The following PTPRN2 variants were observed in gnomAD, a reference collection of about 807,000 sequenced individuals.
The protein encoded by PTPRN2 is protein tyrosine phosphatase receptor type N2.
In PTPRN2, 74 loss-of-function variants were observed where a neutral mutation model predicts 118.8. The observed-to-expected ratio is 0.62, with a 90% confidence interval of 0.52 to 0.76. The LOEUF (loss-of-function observed/expected upper bound fraction) is 0.76, where lower values mean the gene tolerates loss of function less well. Ranked by LOEUF, PTPRN2 falls within the 30% of genes least tolerant of loss-of-function variation. The probability of loss-of-function intolerance (pLI) is 0.00; values close to 1 mark genes in which losing one functional copy is unlikely to be tolerated. For synonymous variants in PTPRN2, 641 were observed against 608.0 expected, an observed-to-expected ratio of 1.05 and a Z score of -0.80; for missense variants, 1,481 against 1,394.4, an observed-to-expected ratio of 1.06 and a Z score of -0.99.
Position 158,535,455 on chromosome 7 carries a change from T to A in PTPRN2, c.113-45670A>T, listed in dbSNP as rs570807318. The stretch of plus-strand genomic sequence containing the variant: ...GCAATGGGAGGGTACCTGCATTTAA[T>A]CTGTGCTGTTTTCGTTCTCCTGATA... On this transcript the variant is annotated intron_variant, in intron 1 of 22. Transcript: ENST00000389418. Among the ~76,000 whole-genome samples, 14 of 152,278 alleles carry A rather than the reference T, an allele frequency of 9.2e-5. No homozygotes were observed. The South Asian group carries it at 2.9e-3, about 32-fold the overall frequency.
intron 17 of PTPRN2, among the ~76,000 whole-genome samples, chr7:157,588,728 G>A (rs1329147540): frequency 4.6e-5 from 7 of 152,174 alleles, no homozygotes; most frequent in African/African-American, 1.4e-4. Context: ...CACTGCTGCC[G>A]GATCTCTCTT....
chr7:157,621,281 C>G (rs77919784), intron 15 of PTPRN2, 81 bp downstream of exon 15: 19 of 881,452 alleles, frequency 2.2e-5, no homozygotes, highest in African/African-American at 3.8e-5. Flanking sequence ...CTCCTGCCCT[C>G]GGGCCTGGTA....
At position 157,560,284 on chromosome 7, in the gene PTPRN2, C is replaced by T. The variant is rs182078997; in HGVS notation, c.2902+8618G>A. ...TGTGAGCTGGTACACTCAGTGAGGA[C>T]GGCTCCATGCACAGGGACGAAGACC... On this transcript the variant is annotated intron_variant, in intron 21 of 22. Transcript: ENST00000389418. The surrounding 1 kb of genome is among the most constrained non-coding windows in gnomAD (Gnocchi z 6.7). 7.0e-4 allele frequency among the ~76,000 whole-genome samples: 107 copies of T among 152,158 alleles called. No individual in the cohort carries two copies. The highest frequency in any genetic ancestry group is 1.1e-3 in the Non-Finnish European group (78 of 68,008).
At chr7:157,650,568 C>T (rs184900752) in intron 14 of PTPRN2, among the ~76,000 whole-genome samples, 15 of 152,302 alleles carry the variant, frequency 9.8e-5, no homozygotes, top group African/African-American at 3.4e-4. Context: ...GCCAGCCCAG[C>T]CGCGTGGCCC....
At chr7:158,431,776 C>A (rs1448525862) in intron 2 of PTPRN2, among the ~76,000 whole-genome samples, 1 of 149,736 alleles carries the variant, frequency 6.7e-6, no homozygotes, top group Non-Finnish European at 1.5e-5. Context: ...ACTGGGCACA[C>A]ACCAGGACAC....
At chr7:157,698,080 A>T (rs1797896192) in intron 12 of PTPRN2, among the ~76,000 whole-genome samples, 1 of 152,268 alleles carries the variant, frequency 6.6e-6, no homozygotes, top group South Asian at 2.1e-4. Flanking sequence ...ATGAACTGGG[A>T]AGATTTTTAA....
rs796367517 is a variant in PTPRN2, at chr7:157,940,377, T to C, written c.1724-41640A>G. Among the ~76,000 whole-genome samples, 47 of 152,284 alleles carry C rather than the reference T, an allele frequency of 3.1e-4. 1 individual carries two copies. Among genetic ancestry groups the C allele is most frequent in the African/African-American group, 1.1e-3 (45 of 41,536 alleles). On this transcript the variant is annotated intron_variant, in intron 11 of 22. Transcript: ENST00000389418. ...GTTATAAACAGTTGACTCTGTGACA[T>C]TGAAATACTGAAATTAAGAAATGAA...
At position 158,267,168 on chromosome 7, in the gene PTPRN2, A is replaced by C. The variant is rs557458720; in HGVS notation, c.277+49651T>G. On this transcript the variant is annotated intron_variant, in intron 3 of 22. Coordinates refer to ENST00000389418, the MANE Select transcript of PTPRN2 (RefSeq NM_002847.5). The stretch of plus-strand genomic sequence containing the variant: ...TTGACACTTTGCGTGGAATTTTAAA[A>C]GCTGCTTAATCAGGAAGGAGCCAGT... Among the ~76,000 whole-genome samples, 5 of 152,328 alleles carry C rather than the reference A, an allele frequency of 3.3e-5. No homozygotes were observed. In the East Asian group the frequency reaches 9.7e-4, roughly 29 times the overall value.
chr7:158,132,571 ACT>A (rs1554550604), intron 9 of PTPRN2, among the ~76,000 whole-genome samples: 150 of 143,320 alleles, frequency 1.0e-3, no homozygotes, highest in African/African-American at 3.8e-3. Flanking sequence ...TCTATCCAAC[ACT>A]CATATAGACA....
intron 15 of PTPRN2, among the ~76,000 whole-genome samples, chr7:157,620,413 T>C (rs1298495376): frequency 6.6e-6 from 1 of 152,208 alleles, no homozygotes; most frequent in Admixed American, 6.5e-5. Flanking sequence ...TTTCTGGCAG[T>C]GATCCCTAGC....
intron 3 of PTPRN2, among the ~76,000 whole-genome samples, chr7:158,301,297 C>T (rs1011502681): frequency 6.6e-6 from 1 of 152,216 alleles, no homozygotes; most frequent in Admixed American, 6.5e-5. Flanking sequence ...TCAGCTGTCC[C>T]GAGGCTCTGT....
intron 11 of PTPRN2, among the ~76,000 whole-genome samples, chr7:157,993,017 T>C (rs1804367413): frequency 1.3e-5 from 2 of 152,210 alleles, no homozygotes; most frequent in South Asian, 4.1e-4. Flanking sequence ...TGTTCCCTTA[T>C]GACGGAGCCC....
chr7:157,564,080 G>C (rs1430417028), intron 21 of PTPRN2, among the ~76,000 whole-genome samples: 2 of 152,212 alleles, frequency 1.3e-5, no homozygotes, highest in Non-Finnish European at 2.9e-5. Flanking sequence ...GAAGGTCTTT[G>C]TGACCTTGGA....
intron 14 of PTPRN2, among the ~76,000 whole-genome samples, chr7:157,625,278 CA>C (rs1440019763): frequency 1.3e-5 from 2 of 152,204 alleles, no homozygotes; most frequent in Non-Finnish European, 2.9e-5. Flanking sequence ...TATACTTGCA[CA>C]TGCATGTTTA....
At position 158,503,015 on chromosome 7, in the gene PTPRN2, A is replaced by T. The variant is rs1198621390; in HGVS notation, c.113-13230T>A. Among the ~76,000 whole-genome samples, 4 of 149,210 alleles carry T rather than the reference A, an allele frequency of 2.7e-5. No homozygotes were observed. In the East Asian group the frequency reaches 6.1e-4, roughly 23 times the overall value. On this transcript the variant is annotated intron_variant, in intron 1 of 22. Coordinates refer to ENST00000389418, the MANE Select transcript of PTPRN2 (RefSeq NM_002847.5). ...ACTGTGTCCATCAGCCACTGTGTCC[A>T]TCAACTACTGTGTCCATCAACTACT...
intron 2 of PTPRN2, among the ~76,000 whole-genome samples, chr7:158,386,244 C>A (rs1811351807): frequency 1.7e-5 from 2 of 118,260 alleles, no homozygotes; most frequent in Non-Finnish European, 3.4e-5. Flanking sequence ...CTGTGCCCCT[C>A]CTCCCTCCTC....
At chr7:157,568,847 T>C (rs1799617609) in intron 21 of PTPRN2, 55 bp downstream of exon 21, 4 of 1,511,776 alleles carry the variant, frequency 2.6e-6, no homozygotes, top group East Asian at 2.3e-5. Context: ...TACGTTGCCA[T>C]AGCGACGCCA....
chr7:157,650,305 G>A lies in PTPRN2; in HGVS notation c.2196+6052C>T, dbSNP rs1206619383. ...AGGGCAGGGCACACCCCCACCCGCC[G>A]TGCTGGGAAGGGGGGACTATGTACC... On this transcript the variant is annotated intron_variant, in intron 14 of 22. Transcript: ENST00000389418. 2.6e-5 allele frequency among the ~76,000 whole-genome samples: 4 copies of A among 152,320 alleles called. No homozygotes were observed. The East Asian group carries it at 7.7e-4, about 29-fold the overall frequency.
chr7:157,828,865 A>G (rs2151156147), intron 12 of PTPRN2, among the ~76,000 whole-genome samples: 1 of 152,370 alleles, frequency 6.6e-6, no homozygotes, highest in East Asian at 1.9e-4. Flanking sequence ...GTAACCCCCT[A>G]TAAAAGTGAC....
Sources: gnomAD v4.1 joint callset for allele counts (sites outside exome capture counted in the v4.1 genomes callset) on GRCh38, gnomAD v4.1.1 for gene constraint, Gnocchi (gnomAD v3.1) non-coding constraint, MANE v1.5 for transcripts, NCBI Gene and HGNC (gene_info 2026-07-23, HGNC 2026-07-21) for gene names.